Variants in NTNG1 observed in about 807,000 individuals in gnomAD.
NTNG1 encodes the protein netrin G1.
In NTNG1, 16 loss-of-function variants were observed where a neutral mutation model predicts 54.0. That is an observed-to-expected ratio of 0.30 (90% CI 0.20 to 0.45). The LOEUF (loss-of-function observed/expected upper bound fraction) is 0.45, where lower values mean the gene tolerates loss of function less well. NTNG1 is among the 20% of genes least tolerant of loss of function. NTNG1 has a pLI of 1.00. For missense variants in NTNG1, 530 were observed against 678.7 expected (o/e 0.78, Z 2.43); for synonymous variants, 255 against 263.1 (o/e 0.97, Z 0.30).
chr1:107,176,952 C>G (rs1199664553), intron 2 of NTNG1, among the ~76,000 whole-genome samples: 1 of 152,124 alleles, frequency 6.6e-6, no homozygotes, highest in Non-Finnish European at 1.5e-5. Flanking sequence ...GCCAGTAGCA[C>G]ACACATCCAG....
Position 107,344,759 on chromosome 1 carries a change from AT to A in NTNG1, c.887+19842del, listed in dbSNP as rs375671729. ...CTGTCAGTGTCCTCAATTCTAAAACATTTTTCTCACTTTTATTCTGAAACTC... is the reference window on the plus strand; with the variant it reads ...CTGTCAGTGTCCTCAATTCTAAAACATTTTCTCACTTTTATTCTGAAACTC... On this transcript the variant is annotated intron_variant, in intron 3 of 7. Coordinates refer to ENST00000370068, the MANE Select transcript of NTNG1 (RefSeq NM_001113226.3). 2.7e-3 allele frequency among the ~76,000 whole-genome samples: 407 copies of A among 152,000 alleles called. 3 individuals are homozygous for A. The highest frequency in any genetic ancestry group is 9.2e-3 in the African/African-American group (381 of 41,458).
At chr1:107,298,229 G>C (rs1352367342) in intron 2 of NTNG1, among the ~76,000 whole-genome samples, 1 of 152,012 alleles carries the variant, frequency 6.6e-6, no homozygotes, top group Non-Finnish European at 1.5e-5. Flanking sequence ...TAGTAGTCAG[G>C]GTAATGACAC....
intron 5 of NTNG1, chr1:107,418,468 C>G: frequency 1.6e-6 from 1 of 625,108 alleles, no homozygotes; most frequent in East Asian, 3.0e-5. Context: ...GCATCACAGC[C>G]AAGTTAAAGA....
chr1:107,477,420 C>A, intron 7 of NTNG1, among the ~76,000 whole-genome samples: 1 of 152,234 alleles, frequency 6.6e-6, no homozygotes, highest in Admixed American at 6.5e-5. Context: ...ACTTTCTCTG[C>A]TCCCTCTAGT....
chr1:107,290,181 C>A (rs1665487363), intron 2 of NTNG1, among the ~76,000 whole-genome samples: 1 of 152,118 alleles, frequency 6.6e-6, no homozygotes. Context: ...GTTGACTAAG[C>A]TATTTGTGTT....
intron 2 of NTNG1, among the ~76,000 whole-genome samples, chr1:107,149,366 G>A (rs1654387462): frequency 6.6e-6 from 1 of 152,068 alleles, no homozygotes; most frequent in Non-Finnish European, 1.5e-5. Flanking sequence ...AAAAAGTAGA[G>A]GAGAGAGGAA....
At chr1:107,269,257 C>T (rs1193266572) in intron 2 of NTNG1, among the ~76,000 whole-genome samples, 1 of 152,170 alleles carries the variant, frequency 6.6e-6, no homozygotes, top group African/African-American at 2.4e-5. Context: ...TTGCTATTCT[C>T]TCTGGCTGGA....
intron 2 of NTNG1, among the ~76,000 whole-genome samples, chr1:107,246,565 C>G (rs1488318502): frequency 1.3e-5 from 2 of 151,900 alleles, no homozygotes; most frequent in African/African-American, 2.4e-5. Context: ...GGCTGGGTTT[C>G]CATTTGATTT....
At chr1:107,384,733 C>T (rs1240747670) in intron 3 of NTNG1, among the ~76,000 whole-genome samples, 1 of 152,158 alleles carries the variant, frequency 6.6e-6, no homozygotes, top group Non-Finnish European at 1.5e-5. Context: ...GAGAGGCTGC[C>T]TAGAGCCCTA....
At chr1:107,274,575 G>T (rs76904214) in intron 2 of NTNG1, among the ~76,000 whole-genome samples, 3,056 of 152,258 alleles carry the variant, frequency 0.02, 104 homozygotes, top group African/African-American at 0.067. Flanking sequence ...CAGTATAAGG[G>T]ATTTGGGGAA....
chr1:107,170,182 T>C (rs1350598354), intron 2 of NTNG1, among the ~76,000 whole-genome samples: 1 of 152,208 alleles, frequency 6.6e-6, no homozygotes, highest in African/African-American at 2.4e-5. Flanking sequence ...CCATCACCTC[T>C]ACTTTTTAGG....
At chr1:107,337,053 C>T (rs4396143) in intron 3 of NTNG1, among the ~76,000 whole-genome samples, 86,973 of 151,746 alleles carry the variant, frequency 0.57, 25,574 homozygotes, top group East Asian at 0.69. Flanking sequence ...AACAGTGTGG[C>T]GATTACTCAA....
chr1:107,297,111 ACAC>A (rs1219778287), intron 2 of NTNG1, among the ~76,000 whole-genome samples: 1 of 145,974 alleles, frequency 6.9e-6, no homozygotes, highest in Non-Finnish European at 1.5e-5. Flanking sequence ...ACACACACAC[ACAC>A]AAACACACAC....
intron 2 of NTNG1, among the ~76,000 whole-genome samples, chr1:107,314,339 CAGT>C (rs1667205042): frequency 6.6e-6 from 1 of 152,110 alleles, no homozygotes; most frequent in Non-Finnish European, 1.5e-5. Flanking sequence ...GCAGAGGTTG[CAGT>C]GAGCCAAGAT....
At chr1:107,342,562 G>A (rs771224382) in intron 3 of NTNG1, among the ~76,000 whole-genome samples, 4 of 152,076 alleles carry the variant, frequency 2.6e-5, no homozygotes, top group Admixed American at 1.3e-4. Flanking sequence ...GAAACCATCT[G>A]CTCCATGCTG....
chr1:107,209,376 C>T (rs1023885739), intron 2 of NTNG1, among the ~76,000 whole-genome samples: 1 of 151,882 alleles, frequency 6.6e-6, no homozygotes, highest in African/African-American at 2.4e-5. Context: ...TTAAGGAAGG[C>T]AGAAAAGGAA....
intron 7 of NTNG1, among the ~76,000 whole-genome samples, chr1:107,451,337 C>G (rs894207319): frequency 2.0e-4 from 30 of 152,096 alleles, no homozygotes; most frequent in Admixed American, 1.3e-4. Flanking sequence ...TCACACTGCC[C>G]TTGAAAAAGT....
chr1:107,343,971 T>C (rs1024698316), intron 3 of NTNG1, among the ~76,000 whole-genome samples: 2 of 152,040 alleles, frequency 1.3e-5, no homozygotes, highest in Admixed American at 1.3e-4. Context: ...TGCCTGTGAA[T>C]TTGAGAAGCT....
At chr1:107,280,854 TTATTTTA>T (rs1664801750) in intron 2 of NTNG1, among the ~76,000 whole-genome samples, 1 of 14,526 alleles carries the variant, frequency 6.9e-5, no homozygotes, top group African/African-American at 2.5e-4. Context: ...GTCCTCTGAC[TTATTTTA>T]TTTTATTTTA....
Sources: allele counts gnomAD v4.1 joint callset (sites outside exome capture counted in the v4.1 genomes callset), GRCh38; gene constraint gnomAD v4.1.1; transcripts MANE v1.5; gene names NCBI Gene and HGNC (gene_info 2026-07-23, HGNC 2026-07-21).